The following UNC13C variants were observed in gnomAD, a reference collection of about 807,000 sequenced individuals.
UNC13C encodes the protein protein unc-13 homolog C.
In UNC13C, 174 loss-of-function variants were observed where a neutral mutation model predicts 245.4. The observed-to-expected ratio is 0.71, with a 90% CI of 0.63 to 0.80. The LOEUF (loss-of-function observed/expected upper bound fraction) is 0.80, where lower values mean the gene tolerates loss of function less well. UNC13C is among the 30% of genes least tolerant of loss of function. The pLI is 0.00. For synonymous variants in UNC13C, 992 were observed against 895.1 expected (o/e 1.11, Z -1.93); for missense variants, 2,829 against 2,602.9 (o/e 1.09, Z -1.89).
chr15:54,378,642 A>G (rs1468367984), intron 17 of UNC13C, among the ~76,000 whole-genome samples: 1 of 151,730 alleles, frequency 6.6e-6, no homozygotes, highest in Non-Finnish European at 1.5e-5. Flanking sequence ...TATCATTTCA[A>G]TATTAGGAAT....
chr15:54,031,968 T>C (rs1896376067), intron 2 of UNC13C, among the ~76,000 whole-genome samples: 1 of 152,236 alleles, frequency 6.6e-6, no homozygotes, highest in Non-Finnish European at 1.5e-5. Context: ...TATGGTCTGC[T>C]GCTTAGGTAA....
intron 13 of UNC13C, among the ~76,000 whole-genome samples, chr15:54,311,234 A>G (rs760843556): frequency 6.6e-6 from 1 of 151,752 alleles, no homozygotes; most frequent in Non-Finnish European, 1.5e-5. Context: ...TTAAATCCCA[A>G]GTCACTAGTT....
chr15:53,838,667 T>G, the UNC13C span, among the ~76,000 whole-genome samples: 5 of 152,112 alleles, frequency 3.3e-5, no homozygotes, highest in African/African-American at 9.6e-5. Context: ...AACATTTTAT[T>G]TAGGATATAT....
At position 54,237,631 on chromosome 15, in the gene UNC13C, C is replaced by T. The variant is rs777356905; in HGVS notation, c.3169C>T (p.Arg1057Trp). 23 of 1,612,024 alleles carry T rather than the reference C, an allele frequency of 1.4e-5. No homozygotes were observed. Among genetic ancestry groups the T allele is most frequent in the East Asian group, 4.5e-5 (2 of 44,852 alleles). The change falls in exon 7 of 33, where the codon CGG becomes TGG. Residue 1057 changes from arginine to tryptophan, a missense_variant. By Grantham distance (101) the Arg-to-Trp change is moderately radical. Transcript: ENST00000260323. ...VRDVAMTLAA[R>W]KSGLSLAMVI... ...CTGTTTGTTTTAGACCCTGGCTGCC[C>T]GGAAATCTGGACTCTCCCTGGCTAT...
intron 2 of UNC13C, among the ~76,000 whole-genome samples, chr15:54,099,880 A>G (rs988200160): frequency 2.0e-5 from 3 of 152,072 alleles, no homozygotes; most frequent in African/African-American, 7.2e-5. Context: ...GGATCACTTG[A>G]AGTCAGGAGT....
At chr15:54,412,485 C>T (rs2040436369) in intron 18 of UNC13C, among the ~76,000 whole-genome samples, 1 of 152,168 alleles carries the variant, frequency 6.6e-6, no homozygotes, top group African/African-American at 2.4e-5. Flanking sequence ...AGATCCCTCC[C>T]TCAACATGTA....
intron 17 of UNC13C, among the ~76,000 whole-genome samples, chr15:54,388,943 C>A (rs1034051520): frequency 9.2e-5 from 14 of 152,046 alleles, no homozygotes; most frequent in African/African-American, 3.4e-4. Context: ...TCAATAAGTT[C>A]CAACAATTTT....
At chr15:53,875,285 C>T in the UNC13C span, among the ~76,000 whole-genome samples, 2 of 152,140 alleles carry the variant, frequency 1.3e-5, no homozygotes, top group African/African-American at 4.8e-5. Context: ...GCTTACTATG[C>T]CATCCTGGGG....
chr15:54,474,801 G>C (rs886549266), intron 19 of UNC13C, among the ~76,000 whole-genome samples: 4 of 151,972 alleles, frequency 2.6e-5, no homozygotes, highest in Non-Finnish European at 5.9e-5. Context: ...CATGGTGCCA[G>C]TATCTGCTTC....
chr15:54,597,041 C>T (rs910394384), intron 30 of UNC13C, among the ~76,000 whole-genome samples: 14 of 152,248 alleles, frequency 9.2e-5, no homozygotes, highest in African/African-American at 2.2e-4. Context: ...ATCTTTTTGG[C>T]GCCAGAGACT....
chr15:54,629,667 A>T (rs148450981), downstream of UNC13C: 2 of 152,326 alleles, frequency 1.3e-5, no homozygotes, highest in East Asian at 3.9e-4. Context: ...GATTTATGTT[A>T]TAAATATTTT....
intron 19 of UNC13C, among the ~76,000 whole-genome samples, chr15:54,493,111 T>C (rs1453979325): frequency 6.6e-6 from 1 of 152,190 alleles, no homozygotes; most frequent in Non-Finnish European, 1.5e-5. Flanking sequence ...ATGATCTGGG[T>C]TTCAGGGTAG....
At chr15:54,363,901 T>A (rs1293388324) in intron 17 of UNC13C, among the ~76,000 whole-genome samples, 1 of 152,192 alleles carries the variant, frequency 6.6e-6, no homozygotes, top group African/African-American at 2.4e-5. Flanking sequence ...AGATATTTGT[T>A]AAAAAGTAAG....
At chr15:54,234,996 C>T (rs779544831) in intron 4 of UNC13C, 34 bp from the exon 5 acceptor site, 2 of 1,580,840 alleles carry the variant, frequency 1.3e-6, no homozygotes, top group South Asian at 2.2e-5. Flanking sequence ...GTCATTTTAC[C>T]CATTGCAATT....
chr15:54,586,212 A>G (rs1898482213), intron 30 of UNC13C, among the ~76,000 whole-genome samples: 1 of 152,236 alleles, frequency 6.6e-6, no homozygotes, highest in East Asian at 1.9e-4. Flanking sequence ...AAATACCCTA[A>G]GAAAAGGATG....
At chr15:54,070,903 C>T (rs556624975) in intron 2 of UNC13C, among the ~76,000 whole-genome samples, 2 of 152,236 alleles carry the variant, frequency 1.3e-5, no homozygotes, top group Admixed American at 6.5e-5. Context: ...TTTTAATAGA[C>T]CACACTATCA....
intron 4 of UNC13C, among the ~76,000 whole-genome samples, chr15:54,199,616 C>T (rs1039770532): frequency 6.6e-6 from 1 of 152,076 alleles, no homozygotes; most frequent in South Asian, 2.1e-4. Context: ...AAGAAAGATA[C>T]AGTCTCTTCC....
intron 1 of UNC13C, among the ~76,000 whole-genome samples, chr15:54,004,171 C>G (rs570687158): frequency 1.4e-4 from 22 of 152,264 alleles, no homozygotes; most frequent in Admixed American, 9.8e-4. Context: ...CGTTACCCTT[C>G]CCAGCCTCCA....
At chr15:54,142,716 G>A (rs560765829) in intron 2 of UNC13C, among the ~76,000 whole-genome samples, 1 of 152,254 alleles carries the variant, frequency 6.6e-6, no homozygotes, top group East Asian at 1.9e-4. Context: ...AAGTGGCAGA[G>A]CCTCAGCTGG....
Sources: allele counts gnomAD v4.1 joint callset (sites outside exome capture counted in the v4.1 genomes callset), GRCh38; gene constraint gnomAD v4.1.1; transcripts MANE v1.5; gene names NCBI Gene and HGNC (gene_info 2026-07-23, HGNC 2026-07-21).